Variants in SLC2A3 observed in about 807,000 individuals in gnomAD.
The protein encoded by SLC2A3 is solute carrier family 2, facilitated glucose transporter member 3.
In SLC2A3, 21 loss-of-function variants were observed where a neutral mutation model predicts 46.4. That is an observed-to-expected ratio of 0.45 (90% confidence interval 0.32 to 0.65). The LOEUF is 0.65. Ranked by LOEUF, SLC2A3 falls within the 30% of genes least tolerant of loss-of-function variation. The pLI, the probability that SLC2A3 is intolerant of heterozygous loss-of-function variation, is 0.04. For synonymous variants in SLC2A3, 213 were observed against 239.4 expected (o/e 0.89, Z 1.02); for missense variants, 499 against 623.3 (o/e 0.80, Z 2.12).
chr12:7,921,729 A>G (rs1005506413), intron 9 of SLC2A3, 98 bp from the exon 10 acceptor site: 6 of 1,281,298 alleles, frequency 4.7e-6, no homozygotes, highest in African/African-American at 4.5e-5. Context: ...GCTTCAAGCT[A>G]TAACCCTTCC....
intron 7 of SLC2A3, chr12:7,925,628 C>A: frequency 2.3e-6 from 1 of 425,734 alleles, no homozygotes; most frequent in East Asian, 3.7e-5. Context: ...TCAAAGCATA[C>A]TATATAGTCC....
At chr12:7,922,458 C>G (rs1486778016) in intron 9 of SLC2A3, among the ~76,000 whole-genome samples, 1 of 152,014 alleles carries the variant, frequency 6.6e-6, no homozygotes, top group East Asian at 1.9e-4. Context: ...GGAGGGACTG[C>G]TGTATTTTTT....
intron 3 of SLC2A3, 81 bp from the exon 4 acceptor site, chr12:7,931,566 T>C (rs1946156355): frequency 1.9e-6 from 3 of 1,556,894 alleles, no homozygotes; most frequent in Non-Finnish European, 2.6e-6. Context: ...TATTCTGTTC[T>C]TCTCCAGGCT....
In SLC2A3 at chr12:7,930,485, T is replaced by G. The variant is rs138261424; in HGVS notation, c.668A>C (p.Lys223Thr). Residue 223 changes from lysine (K) to threonine (T), a missense_variant, in exon 5 of 10, where the codon AAG becomes ACG. By Grantham distance (78) the Lys-to-Thr change is moderately conservative (BLOSUM62 -1). Coordinates refer to ENST00000075120, the MANE Select transcript of SLC2A3 (RefSeq NM_006931.3). The part of the protein sequence containing the change: ...LINRKEEENA[K>T]QILQRLWGTQ... ...AAGGTGTGAAGGATACTCACTCTGCTTAGCATTCTCCTCTTCTTTTCTGTT... is the reference window on the plus strand; with the variant it reads ...AAGGTGTGAAGGATACTCACTCTGCGTAGCATTCTCCTCTTCTTTTCTGTT... 1.3e-4 allele frequency: 207 copies of G among 1,613,246 alleles called. No homozygotes were observed. The South Asian group carries it at 1.3e-3, about 10-fold the overall frequency.
At chr12:7,930,792 G>GTTTTTTT (rs66814289) in intron 4 of SLC2A3, 150 bp from the exon 5 acceptor site, 7 of 247,102 alleles carry the variant, frequency 2.8e-5, no homozygotes, top group African/African-American at 7.3e-5. Flanking sequence ...ACTCAGCATG[G>GTTTTTTT]TTTTTTTTTT....
chr12:7,927,258 T>C (rs1946105491), intron 6 of SLC2A3, among the ~76,000 whole-genome samples: 2 of 152,162 alleles, frequency 1.3e-5, no homozygotes, highest in South Asian at 4.1e-4. Context: ...TCTCAACATA[T>C]TATATGATGG....
chr12:7,930,595 C>T lies in SLC2A3; in HGVS notation c.558G>A (p.Leu186=), dbSNP rs764949260. The T allele has an allele frequency of 5.1e-5, 82 of 1,613,836 alleles. No individual in the cohort carries two copies. In the Admixed American group the frequency reaches 1.3e-3, roughly 26 times the overall value. Residue 186 remains leucine (L), a synonymous_variant, in exon 5 of 10, where the codon CTG becomes CTA. Transcript: ENST00000075120. ...FILGSEELWP[L]LLGFTILPAI... Reference sequence around the variant, plus strand: ...CAGGAAGGATGGTAAAACCCAGTAGCAGCGGCCATAGCTCTTCAGACCCAA... The same window carrying T: ...CAGGAAGGATGGTAAAACCCAGTAGTAGCGGCCATAGCTCTTCAGACCCAA...
Position 7,919,266 on chromosome 12 carries a change from A to T in SLC2A3, c.*2147T>A, listed in dbSNP as rs1384640154. ...CAGAATTTTTATTTTAAAACAAAGA[A>T]CCAGAGTAACAATAGAAAATCCATA... On this transcript the variant is annotated 3_prime_UTR_variant, in exon 10 of 10. Coordinates refer to ENST00000075120, the MANE Select transcript of SLC2A3 (RefSeq NM_006931.3). The T allele has an allele frequency of 6.6e-6, 1 of 152,478 alleles. No individual in the cohort carries two copies. Among genetic ancestry groups the T allele is most frequent in the Non-Finnish European group, 1.5e-5 (1 of 68,018 alleles). 9.4% of individuals were successfully genotyped at this position (152,478 alleles called of 1,614,324 possible).
Position 7,925,896 on chromosome 12 carries a change from A to G in SLC2A3, c.914T>C (p.Ile305Thr), listed in dbSNP as rs374690907. The G allele has an allele frequency of 1.2e-6, 2 of 1,613,754 alleles. No homozygotes were observed. Among genetic ancestry groups the G allele is most frequent in the African/African-American group, 1.3e-5 (1 of 74,912 alleles). Residue 305 changes from isoleucine to threonine, a missense_variant, in exon 7 of 10, where the codon ATC (isoleucine) becomes ACC (threonine). Ile to Thr is a moderately conservative substitution (Grantham distance 89). Around this residue, in one of 5 missense-constraint regions of SLC2A3, gnomAD observed 65 missense variants for 88.4 expected, o/e 0.74. Coordinates refer to ENST00000075120, the MANE Select transcript of SLC2A3 (RefSeq NM_006931.3). Reference protein sequence around the residue: ...IFKDAGVQEPIYATIGAGVVN... With the variant: ...IFKDAGVQEPTYATIGAGVVN... The stretch of plus-strand genomic sequence containing the variant: ...CACACCCGCGCCGATGGTGGCATAG[A>G]TGGGCTCTTGAACACCTGCATCCTT...
chr12:7,926,000 A>C, intron 6 of SLC2A3, 52 bp from the exon 7 acceptor site: 1 of 1,458,420 alleles, frequency 6.9e-7, no homozygotes, highest in Non-Finnish European at 9.6e-7. Context: ...CACCAGTTAC[A>C]CAGAACCCTC....
intron 5 of SLC2A3, 192 bp from the exon 6 acceptor site, chr12:7,930,063 G>A (rs1946135752): frequency 1.7e-6 from 2 of 1,207,246 alleles, no homozygotes; most frequent in Admixed American, 3.0e-5. Context: ...TCAGCTCCCT[G>A]CAACCTCCAC....
Position 7,933,862 on chromosome 12 carries a change from A to C in SLC2A3, c.56T>G (p.Ile19Ser), listed in dbSNP as rs966237759. Residue 19 changes from isoleucine (I) to serine (S), a missense_variant, in exon 2 of 10, where the codon ATC becomes AGC. Ile to Ser is a moderately radical substitution (Grantham distance 142). This residue lies in a region of SLC2A3 where 248 missense variants were observed against 284.0 expected (regional missense o/e 0.87). Coordinates refer to ENST00000075120, the MANE Select transcript of SLC2A3 (RefSeq NM_006931.3). ...ALIFAITVAT[I>S]GSFQFGYNTG... Reference sequence around the variant, plus strand: ...GTTGTAGCCAAATTGGAAAGAGCCGATTGTAGCAACTGTGATGGCAAATAT... The same window carrying C: ...GTTGTAGCCAAATTGGAAAGAGCCGCTTGTAGCAACTGTGATGGCAAATAT... 1 of 1,613,934 alleles carries C rather than the reference A, an allele frequency of 6.2e-7. No homozygotes were observed. The highest frequency in any genetic ancestry group is 1.3e-5 in the African/African-American group (1 of 74,892).
Position 7,930,251 on chromosome 12 carries a change from G to T in SLC2A3, c.673+229C>A, listed in dbSNP as rs370496858. The T allele has an allele frequency of 9.2e-4, 496 of 539,444 alleles. 8 individuals are homozygous for T. The South Asian group carries it at 0.012, about 13-fold the overall frequency. 33.4% of individuals were successfully genotyped at this position (539,444 alleles called of 1,614,324 possible). A position where few individuals can be genotyped will look rare whatever the true frequency, so the allele number is the denominator to read the frequency against. On this transcript the variant is annotated intron_variant, in intron 5 of 9. Transcript: ENST00000075120. ...CCCGCCTCGGCCTCTTATAATGCTG[G>T]ATTACAGGCATGAGCCATCACACCC...
At chr12:7,930,724 T>C (rs1027967035) in intron 4 of SLC2A3, 82 bp from the exon 5 acceptor site, 26 of 1,371,336 alleles carry the variant, frequency 1.9e-5, no homozygotes, top group African/African-American at 7.4e-5. Context: ...GTTCAGAAAA[T>C]CATACATTCT....
chr12:7,927,965 CT>C (rs1186932320), intron 6 of SLC2A3, among the ~76,000 whole-genome samples: 1 of 151,782 alleles, frequency 6.6e-6, no homozygotes, highest in Non-Finnish European at 1.5e-5. Context: ...TGGTGGGCAC[CT>C]GTAATCTGGG....
rs1433270044 is a variant in SLC2A3 at position 7,922,811 on chromosome 12, G to C, written c.1272+10C>G. On this transcript the variant is annotated intron_variant, in intron 9 of 9. Transcript: ENST00000075120. ...ATAGGCTGGTTTTAAGATAAGGTGA[G>C]TTTACTTACAGCAGCGGAGGGGAAG... 2 of 1,613,976 alleles carry C rather than the reference G, an allele frequency of 1.2e-6. No homozygotes were observed. The highest frequency in any genetic ancestry group is 1.7e-6 in the Non-Finnish European group (2 of 1,179,896).
rs1164383125 is a variant in SLC2A3, at chr12:7,929,760, C to G, written c.785G>C (p.Arg262Thr). The change falls in exon 6 of 10, where the codon AGA (arginine) becomes ACA (threonine). Residue 262 changes from arginine to threonine, a missense_variant. By Grantham distance (71) the Arg-to-Thr change is moderately conservative. This residue lies in a region of SLC2A3 where 65 missense variants were observed against 88.4 expected (regional missense o/e 0.74). Transcript: ENST00000075120. Reference sequence around the variant, plus strand: ...GATGGGCTGTCGGTAGCTGGACACTCTAAAGAGCTCTAGCACGGTGACTTG... The same window carrying G: ...GATGGGCTGTCGGTAGCTGGACACTGTAAAGAGCTCTAGCACGGTGACTTG... Reference protein sequence around the residue: ...EKQVTVLELFRVSSYRQPIII... With the variant: ...EKQVTVLELFTVSSYRQPIII... 5 of 1,613,232 alleles carry G rather than the reference C, an allele frequency of 3.1e-6. No individual in the cohort carries two copies. The highest frequency in any genetic ancestry group is 4.2e-6 in the Non-Finnish European group (5 of 1,179,536).
chr12:7,926,744 T>G (rs777006838), intron 6 of SLC2A3, among the ~76,000 whole-genome samples: 1 of 152,300 alleles, frequency 6.6e-6, no homozygotes, highest in East Asian at 1.9e-4. Flanking sequence ...GATAGTGAAC[T>G]AATTGAATAA....
chr12:7,933,311 A>G, intron 2 of SLC2A3, 164 bp from the exon 3 acceptor site: 1 of 836,038 alleles, frequency 1.2e-6, no homozygotes, highest in Non-Finnish European at 1.8e-6. Context: ...TCGCTGGAAT[A>G]GTAATTCTAT....
Sources: gnomAD v4.1 joint callset for allele counts (sites outside exome capture counted in the v4.1 genomes callset) on GRCh38, gnomAD v4.1.1 for gene constraint, gnomAD v4.1.1 regional missense constraint, MANE v1.5 for transcripts, NCBI Gene and HGNC (gene_info 2026-07-23, HGNC 2026-07-21) for gene names.